SLC9C2: variants seen among roughly 807,000 people sequenced by gnomAD.
The protein encoded by SLC9C2 is sodium/hydrogen exchanger 11.
SLC9C2 carries 75 observed loss-of-function variants against 140.2 expected under a neutral mutation model. That is an observed-to-expected ratio of 0.53 (90% CI 0.44 to 0.65). The LOEUF is 0.65. SLC9C2 is among the 30% of genes least tolerant of loss of function. The pLI, the probability that SLC9C2 is intolerant of heterozygous loss-of-function variation, is 0.00. For synonymous variants in SLC9C2, 375 were observed against 420.9 expected (o/e 0.89, Z 1.34); for missense variants, 1,074 against 1,331.8 (o/e 0.81, Z 3.01).
intron 9 of SLC9C2, among the ~76,000 whole-genome samples, chr1:173,570,120 C>T (rs372665080): frequency 2.0e-5 from 3 of 152,246 alleles, no homozygotes; most frequent in African/African-American, 7.2e-5. Context: ...GACTTGGGAC[C>T]CCAAAAGCCT....
chr1:173,574,860 T>TA (rs1665070481), intron 8 of SLC9C2, among the ~76,000 whole-genome samples: 3 of 152,106 alleles, frequency 2.0e-5, no homozygotes, highest in African/African-American at 7.2e-5. Flanking sequence ...GGCTCATGCA[T>TA]GTAATCACAA....
At position 173,534,579 on chromosome 1, in the gene SLC9C2, G is replaced by T; in HGVS notation, c.1879C>A (p.His627Asn). 6.3e-7 allele frequency: 1 copy of T among 1,597,362 alleles called. No homozygotes were observed. Residue 627 changes from histidine to asparagine, a missense_variant, in exon 16 of 28, where the codon CAT becomes AAT. Transcript: ENST00000367714. ...AAACCTCTTGCCATTGGCCACAGAT[G>T]TATTATCATAGGATAAATATATATC... ...NLIYIYPMII[H>N]LWPMARGLNV...
chr1:173,600,288 GCACCATCCCAAA>G, intron 2 of SLC9C2, 71 bp from the exon 3 acceptor site: 1 of 1,051,052 alleles, frequency 9.5e-7, no homozygotes, highest in Non-Finnish European at 1.4e-6. Context: ...TATCACTTTT[GCACCATCCCAAA>G]GTAAGTCAAG....
chr1:173,571,066 T>C (rs1664814276), intron 9 of SLC9C2, among the ~76,000 whole-genome samples: 1 of 152,210 alleles, frequency 6.6e-6, no homozygotes, highest in African/African-American at 2.4e-5. Flanking sequence ...GCTGTTAAAA[T>C]GTGGTGTTCC....
At chr1:173,587,595 A>G (rs1263791780) in intron 5 of SLC9C2, 70 bp downstream of exon 5, 3 of 1,424,604 alleles carry the variant, frequency 2.1e-6, no homozygotes, top group African/African-American at 1.5e-5. Flanking sequence ...CATGCAAGAA[A>G]AATATAATCA....
At position 173,541,575 on chromosome 1, in the gene SLC9C2, C is replaced by T. The variant is rs867867085; in HGVS notation, c.1558-4536G>A. 2.2e-4 allele frequency among the ~76,000 whole-genome samples: 34 copies of T among 152,290 alleles called. No individual in the cohort carries two copies. In the South Asian group the frequency reaches 3.3e-3, roughly 15 times the overall value. ...ATATACATTCTTCTCAGCACCACATCACACTTATTCCAAAACTGACCACAT... is the reference window on the plus strand; with the variant it reads ...ATATACATTCTTCTCAGCACCACATTACACTTATTCCAAAACTGACCACAT... On this transcript the variant is annotated intron_variant, in intron 13 of 27. Transcript: ENST00000367714.
At chr1:173,510,763 C>G (rs1209217132) in intron 23 of SLC9C2, among the ~76,000 whole-genome samples, 1 of 152,150 alleles carries the variant, frequency 6.6e-6, no homozygotes, top group Non-Finnish European at 1.5e-5. Flanking sequence ...GGTTCCATGT[C>G]TTTGCTCTTG....
chr1:173,502,123 A>T (rs1392821452), intron 27 of SLC9C2, among the ~76,000 whole-genome samples: 1 of 151,990 alleles, frequency 6.6e-6, no homozygotes, highest in African/African-American at 2.4e-5. Flanking sequence ...AATACAAAAA[A>T]GTAGCCAGGC....
At chr1:173,582,113 T>C (rs889807425) in intron 6 of SLC9C2, 105 bp from the exon 7 acceptor site, 1 of 823,804 alleles carries the variant, frequency 1.2e-6, no homozygotes, top group South Asian at 2.8e-5. Flanking sequence ...CTTGTGAGAT[T>C]TTGAGTGGAC....
chr1:173,523,207 A>G (rs1457627582), intron 21 of SLC9C2, among the ~76,000 whole-genome samples: 2 of 152,028 alleles, frequency 1.3e-5, no homozygotes, highest in East Asian at 3.9e-4. Flanking sequence ...CCCCGTCTCT[A>G]CTGAAAATAC....
chr1:173,585,484 T>C (rs1037907183), intron 5 of SLC9C2, among the ~76,000 whole-genome samples: 6 of 152,150 alleles, frequency 3.9e-5, no homozygotes, highest in African/African-American at 1.4e-4. Flanking sequence ...AAAGGGACAA[T>C]ATGATGGCCC....
At chr1:173,501,860 C>T (rs1558004291) in intron 27 of SLC9C2, among the ~76,000 whole-genome samples, 1 of 152,086 alleles carries the variant, frequency 6.6e-6, no homozygotes, top group Non-Finnish European at 1.5e-5. Context: ...TTCCTTTCCC[C>T]AACAAATATT....
At chr1:173,531,059 T>A (rs1468571373) in intron 17 of SLC9C2, among the ~76,000 whole-genome samples, 1 of 152,204 alleles carries the variant, frequency 6.6e-6, no homozygotes, top group Non-Finnish European at 1.5e-5. Context: ...CGTTTTCCAA[T>A]GCAGATTTGT....
chr1:173,581,458 G>A (rs1006661001), intron 7 of SLC9C2, among the ~76,000 whole-genome samples: 1 of 152,150 alleles, frequency 6.6e-6, no homozygotes, highest in African/African-American at 2.4e-5. Context: ...TTGAATTAAA[G>A]GCTGTTGATC....
At chr1:173,548,343 C>T (rs1284694297) in intron 12 of SLC9C2, 46 bp downstream of exon 12, 1 of 1,569,432 alleles carries the variant, frequency 6.4e-7, no homozygotes, top group Non-Finnish European at 8.6e-7. Context: ...GTGAGGCAGA[C>T]CAAGGGAAGG....
intron 21 of SLC9C2, among the ~76,000 whole-genome samples, chr1:173,523,378 AT>A (rs1483964828): frequency 1.3e-5 from 2 of 152,232 alleles, no homozygotes; most frequent in Admixed American, 1.3e-4. Context: ...TCTCAAAAAA[AT>A]AAATAAAAAG....
chr1:173,580,071 G>A (rs1357800703), intron 7 of SLC9C2, among the ~76,000 whole-genome samples: 1 of 152,190 alleles, frequency 6.6e-6, no homozygotes, highest in Non-Finnish European at 1.5e-5. Flanking sequence ...AATTATACAG[G>A]CAGTAAGGGA....
chr1:173,599,004 TG>T (rs538211673), intron 3 of SLC9C2, among the ~76,000 whole-genome samples: 3 of 152,372 alleles, frequency 2.0e-5, no homozygotes, highest in African/African-American at 7.2e-5. Context: ...AATGTTTTCT[TG>T]TATCTATGGT....
chr1:173,537,541 A>C (rs1662061157), intron 13 of SLC9C2, among the ~76,000 whole-genome samples: 1 of 152,140 alleles, frequency 6.6e-6, no homozygotes, highest in Admixed American at 6.6e-5. Flanking sequence ...CAGTCTGGGC[A>C]ACAGAGCAAG....
Sources: gnomAD v4.1 joint callset for allele counts (sites outside exome capture counted in the v4.1 genomes callset) on GRCh38, gnomAD v4.1.1 for gene constraint, MANE v1.5 for transcripts, NCBI Gene and HGNC (gene_info 2026-07-23, HGNC 2026-07-21) for gene names.